Variants in FER1L6 observed in about 807,000 individuals in gnomAD.
FER1L6 encodes the protein fer-1-like protein 6.
In FER1L6, 177 loss-of-function variants were observed where a neutral mutation model predicts 219.2. That is an observed-to-expected ratio of 0.81 (90% CI 0.71 to 0.91). The LOEUF (loss-of-function observed/expected upper bound fraction) is 0.91. FER1L6 is among the 40% of genes least tolerant of loss of function. The pLI, the probability that FER1L6 is intolerant of heterozygous loss-of-function variation, is 0.00. For synonymous variants in FER1L6, 768 were observed against 824.3 expected (o/e 0.93, Z 1.17); for missense variants, 2,153 against 2,259.9 (o/e 0.95, Z 0.96).
chr8:124,011,259 C>G (rs946472564), intron 14 of FER1L6, among the ~76,000 whole-genome samples: 1 of 152,186 alleles, frequency 6.6e-6, no homozygotes, highest in African/African-American at 2.4e-5. Context: ...CTCCAGTCTT[C>G]TTATAACCCA....
intron 39 of FER1L6, among the ~76,000 whole-genome samples, chr8:124,109,974 C>T (rs1487177322): frequency 2.0e-5 from 3 of 152,192 alleles, no homozygotes; most frequent in East Asian, 1.9e-4. Flanking sequence ...TCTGCAGCAA[C>T]CAGCCCCAAA....
At chr8:124,051,540 A>G (rs1257422967) in intron 22 of FER1L6, among the ~76,000 whole-genome samples, 1 of 152,130 alleles carries the variant, frequency 6.6e-6, no homozygotes, top group African/African-American at 2.4e-5. Flanking sequence ...TGGAATAAAC[A>G]CTCCACAAAT....
intron 5 of FER1L6, among the ~76,000 whole-genome samples, 163 bp from the exon 6 acceptor site, chr8:123,969,867 CAAAAA>C (rs369712009): frequency 2.8e-5 from 2 of 72,014 alleles, no homozygotes; most frequent in Non-Finnish European, 2.8e-5. Context: ...ACCCTGTCTC[CAAAAA>C]AAAAAAAAAA....
At chr8:123,893,026 G>A (rs1384549872) in intron 1 of FER1L6, among the ~76,000 whole-genome samples, 1 of 152,086 alleles carries the variant, frequency 6.6e-6, no homozygotes, top group Non-Finnish European at 1.5e-5. Context: ...AATACATGTT[G>A]TCAGTAATAA....
chr8:123,955,154 A>C (rs548611600), intron 1 of FER1L6, among the ~76,000 whole-genome samples: 14 of 152,250 alleles, frequency 9.2e-5, no homozygotes, highest in South Asian at 4.2e-4. Flanking sequence ...CTGTAATCCC[A>C]GCTACTTGGG....
chr8:123,924,233 C>CAAAAAAAAAA (rs71289625), intron 1 of FER1L6, among the ~76,000 whole-genome samples: 2 of 66,964 alleles, frequency 3.0e-5, no homozygotes, highest in East Asian at 4.9e-4. Flanking sequence ...GACTCAGTAT[C>CAAAAAAAAAA]AAAAAAAAAA....
intron 15 of FER1L6, 36 bp from the exon 16 acceptor site, chr8:124,017,592 T>C (rs773241881): frequency 6.8e-7 from 1 of 1,470,710 alleles, no homozygotes; most frequent in Non-Finnish European, 9.5e-7. Context: ...GGATTTTCAC[T>C]AAGTAGGTTT....
intron 1 of FER1L6, among the ~76,000 whole-genome samples, chr8:123,955,570 G>A (rs1191994398): frequency 6.6e-6 from 1 of 152,226 alleles, no homozygotes; most frequent in East Asian, 1.9e-4. Flanking sequence ...TCAGAACTGT[G>A]TGACCTTAGA....
chr8:124,045,769 A>T lies in FER1L6; in HGVS notation c.2592A>T (p.Ile864=), dbSNP rs1819699304. The T allele has an allele frequency of 6.2e-7, 1 of 1,613,800 alleles. No individual in the cohort carries two copies. Among genetic ancestry groups the T allele is most frequent in the South Asian group, 1.1e-5 (1 of 91,062 alleles). ...TFLSHCQTTK[I]ISQTLSPTWN... Reference sequence around the variant, plus strand: ...TTTTCTTTGGTCCCTGCTTCCAGATAATCTCCCAGACCCTCTCTCCGACCT... The same window carrying T: ...TTTTCTTTGGTCCCTGCTTCCAGATTATCTCCCAGACCCTCTCTCCGACCT... The change falls in exon 21 of 41, where the codon ATA becomes ATT. Residue 864 remains isoleucine (I), a splice_region_variant and synonymous_variant. Transcript: ENST00000522917.
At chr8:123,869,227 G>A (rs568524744) in intron 1 of FER1L6, among the ~76,000 whole-genome samples, 1 of 152,302 alleles carries the variant, frequency 6.6e-6, no homozygotes, top group Admixed American at 6.5e-5. Flanking sequence ...GACATTATCA[G>A]TATTCTTATT....
chr8:124,058,875 A>G (rs527554514), intron 22 of FER1L6: 100 of 152,304 alleles, frequency 6.6e-4, no homozygotes, highest in African/African-American at 2.3e-3. Flanking sequence ...CAGCTTCATT[A>G]CCTTAAGCCT....
intron 1 of FER1L6, among the ~76,000 whole-genome samples, chr8:123,863,442 A>G (rs2130258623): frequency 1.5e-5 from 1 of 65,408 alleles, no homozygotes; most frequent in South Asian, 5.6e-4. Context: ...GGTGCTGAAA[A>G]AAATGTATAT....
chr8:123,958,804 C>T (rs1815137056), intron 2 of FER1L6, among the ~76,000 whole-genome samples: 2 of 151,768 alleles, frequency 1.3e-5, no homozygotes, highest in South Asian at 4.2e-4. Flanking sequence ...AAGCTACAAC[C>T]TCAAGGATGA....
chr8:123,987,150 T>C (rs1816624574), intron 12 of FER1L6, among the ~76,000 whole-genome samples: 1 of 152,224 alleles, frequency 6.6e-6, no homozygotes, highest in Admixed American at 6.5e-5. Flanking sequence ...GTATGAGGGT[T>C]CGCTTTTCTC....
At chr8:123,946,951 A>C (rs1165383350) in intron 1 of FER1L6, among the ~76,000 whole-genome samples, 1 of 152,152 alleles carries the variant, frequency 6.6e-6, no homozygotes, top group Non-Finnish European at 1.5e-5. Flanking sequence ...GGCTCTGTGT[A>C]CTTTTTTTTG....
intron 1 of FER1L6, among the ~76,000 whole-genome samples, chr8:123,912,286 AAAG>A (rs35872054): frequency 6.6e-6 from 1 of 150,500 alleles, no homozygotes; most frequent in Non-Finnish European, 1.5e-5. Context: ...GTTTAAAAAA[AAAG>A]AAGAAGAAAG....
intron 18 of FER1L6, among the ~76,000 whole-genome samples, chr8:124,033,104 T>G (rs780902559): frequency 8.5e-5 from 13 of 152,174 alleles, no homozygotes; most frequent in African/African-American, 1.2e-4. Flanking sequence ...GGGCCTAGAA[T>G]GATAGAAGTG....
At position 123,924,399 on chromosome 8, in the gene FER1L6, G is replaced by C. The variant is rs1036198195; in HGVS notation, c.-7-31593G>C. Among the ~76,000 whole-genome samples the C allele has an allele frequency of 5.3e-5, 8 of 151,308 alleles. 1 individual carries two copies. The South Asian group carries it at 1.5e-3, about 28-fold the overall frequency. The stretch of plus-strand genomic sequence containing the variant: ...CTACTAAAAATACAAAAAATTAGCC[G>C]GGCATGGCGGCAGATGCCTGCAATC... On this transcript the variant is annotated intron_variant, in intron 1 of 40. Transcript: ENST00000522917.
chr8:123,942,369 A>ATTTC (rs1275592934), intron 1 of FER1L6, among the ~76,000 whole-genome samples: 1 of 152,224 alleles, frequency 6.6e-6, no homozygotes, highest in African/African-American at 2.4e-5. Flanking sequence ...AGGGCCCAGC[A>ATTTC]TTTCCTTTTC....
Sources: allele counts gnomAD v4.1 joint callset (sites outside exome capture counted in the v4.1 genomes callset), GRCh38; gene constraint gnomAD v4.1.1; transcripts MANE v1.5; gene names NCBI Gene and HGNC (gene_info 2026-07-23, HGNC 2026-07-21).